AUTS2: variants seen among roughly 807,000 people sequenced by gnomAD.
AUTS2 encodes the protein activator of transcription and developmental regulator AUTS2.
Under a neutral mutation model 112.4 loss-of-function variants are expected in AUTS2, and 17 were observed. That is an observed-to-expected ratio of 0.15 (90% CI 0.10 to 0.23). The LOEUF (loss-of-function observed/expected upper bound fraction) is 0.23, where lower values mean the gene tolerates loss of function less well. Among genes scored for constraint, AUTS2 ranks in the 10% least tolerant of loss-of-function variants. The pLI is 1.00. For missense variants in AUTS2, 1,510 were observed against 1,701.6 expected (o/e 0.89, Z 1.98); for synonymous variants, 751 against 702.7 (o/e 1.07, Z -1.09).
chr7:70,086,401 G>T (rs1049843021), intron 2 of AUTS2, among the ~76,000 whole-genome samples: 7 of 152,098 alleles, frequency 4.6e-5, no homozygotes, highest in African/African-American at 1.7e-4. Flanking sequence ...TAGCACTTTG[G>T]GAGGCTGAGG....
At chr7:70,330,618 C>T (rs894235858) in intron 4 of AUTS2, among the ~76,000 whole-genome samples, 2 of 152,120 alleles carry the variant, frequency 1.3e-5, no homozygotes, top group Non-Finnish European at 2.9e-5. Flanking sequence ...GGGTCCATTG[C>T]AATTCCATAC....
At chr7:70,235,240 CCTT>C (rs1266564967) in intron 4 of AUTS2, among the ~76,000 whole-genome samples, 1 of 151,940 alleles carries the variant, frequency 6.6e-6, no homozygotes, top group Non-Finnish European at 1.5e-5. Flanking sequence ...CTCAAGTGGT[CCTT>C]CTGCTTCAGC....
intron 4 of AUTS2, among the ~76,000 whole-genome samples, chr7:70,408,549 A>G (rs189760000): frequency 9.8e-4 from 150 of 152,332 alleles, no homozygotes; most frequent in Non-Finnish European, 1.7e-3. Flanking sequence ...GTTGTCACCC[A>G]TCTAGTGCTT....
intron 4 of AUTS2, among the ~76,000 whole-genome samples, chr7:70,242,278 A>C (rs953249518): frequency 1.3e-5 from 2 of 152,192 alleles, no homozygotes; most frequent in African/African-American, 4.8e-5. Flanking sequence ...CCCCCAAAAC[A>C]GGATTCGGAT....
chr7:70,132,203 G>A (rs1167743700), intron 3 of AUTS2, among the ~76,000 whole-genome samples: 9 of 150,206 alleles, frequency 6.0e-5, no homozygotes, highest in Admixed American at 6.0e-4. Context: ...ACAGTAGGTT[G>A]GCACATGTGA....
intron 4 of AUTS2, among the ~76,000 whole-genome samples, chr7:70,184,327 T>C (rs1481416791): frequency 6.6e-6 from 1 of 152,188 alleles, no homozygotes; most frequent in Non-Finnish European, 1.5e-5. Flanking sequence ...GCAGAGCCTA[T>C]GCTGGGTAAA....
chr7:70,540,143 GC>G (rs2129504596), intron 5 of AUTS2, among the ~76,000 whole-genome samples: 1 of 152,256 alleles, frequency 6.6e-6, no homozygotes, highest in Admixed American at 6.5e-5. Flanking sequence ...CAGCAGCCCA[GC>G]AAAATGGAAA....
intron 4 of AUTS2, among the ~76,000 whole-genome samples, chr7:70,135,240 A>G (rs1460068089): frequency 6.6e-6 from 1 of 152,158 alleles, no homozygotes; most frequent in Non-Finnish European, 1.5e-5. Context: ...TCACTTCATT[A>G]TATTTATTTA....
intron 4 of AUTS2, among the ~76,000 whole-genome samples, chr7:70,180,472 C>T (rs1298394411): frequency 1.3e-5 from 2 of 152,136 alleles, no homozygotes; most frequent in African/African-American, 2.4e-5. Context: ...GATGTCTTCT[C>T]GGTATTCTTT....
At chr7:70,720,428 C>T (rs566062434) in intron 6 of AUTS2, among the ~76,000 whole-genome samples, 1 of 152,262 alleles carries the variant, frequency 6.6e-6, no homozygotes, top group East Asian at 1.9e-4. Context: ...GTGGCTATTA[C>T]CCAGAAGAGA....
chr7:70,672,431 AG>A (rs1454689108), intron 5 of AUTS2, among the ~76,000 whole-genome samples: 1 of 152,198 alleles, frequency 6.6e-6, no homozygotes, highest in Non-Finnish European at 1.5e-5. Flanking sequence ...TTCTGCAGAA[AG>A]AGACAGAAAG....
intron 4 of AUTS2, among the ~76,000 whole-genome samples, chr7:70,430,975 A>G (rs1386398999): frequency 6.6e-6 from 1 of 151,688 alleles, no homozygotes; most frequent in Non-Finnish European, 1.5e-5. Context: ...AGCTGGGACT[A>G]CAGGCGCCCG....
intron 4 of AUTS2, among the ~76,000 whole-genome samples, chr7:70,235,558 CG>C (rs1247244673): frequency 6.6e-6 from 1 of 152,110 alleles, no homozygotes; most frequent in African/African-American, 2.4e-5. Flanking sequence ...AACTAAAATA[CG>C]TACTATCTGT....
intron 1 of AUTS2, among the ~76,000 whole-genome samples, chr7:69,790,712 A>G (rs1253505005): frequency 6.6e-6 from 1 of 152,270 alleles, no homozygotes; most frequent in Non-Finnish European, 1.5e-5. Flanking sequence ...ATCAGAGCAT[A>G]GTCTCAACTT....
intron 1 of AUTS2, among the ~76,000 whole-genome samples, chr7:69,894,882 C>G (rs1218465046): frequency 6.6e-6 from 1 of 152,164 alleles, no homozygotes; most frequent in African/African-American, 2.4e-5. Context: ...AAAAATTCTT[C>G]AGGTAATTCT....
At chr7:70,122,639 GA>G (rs1805742682) in intron 3 of AUTS2, among the ~76,000 whole-genome samples, 1 of 151,854 alleles carries the variant, frequency 6.6e-6, no homozygotes, top group Non-Finnish European at 1.5e-5. Context: ...TTAAAATTAT[GA>G]AAAAAATTTG....
chr7:69,684,723 GA>G (rs1796984118), intron 1 of AUTS2, among the ~76,000 whole-genome samples: 1 of 152,188 alleles, frequency 6.6e-6, no homozygotes, highest in Non-Finnish European at 1.5e-5. Context: ...GCTTACTGTG[GA>G]ATATGTATTT....
In AUTS2 at chr7:70,180,247, T is replaced by C. The variant is rs535487053; in HGVS notation, c.660+45676T>C. Among the ~76,000 whole-genome samples, 23 of 152,330 alleles carry C rather than the reference T, an allele frequency of 1.5e-4. No homozygotes were observed. In the South Asian group the frequency reaches 4.8e-3, roughly 32 times the overall value. On this transcript the variant is annotated intron_variant, in intron 4 of 18. Transcript: ENST00000342771. ...AGGTTGATGTGTGTTTTTATTCCACTTTGATTTACTTCCCAAGCTGTCCTG... is the reference window on the plus strand; with the variant it reads ...AGGTTGATGTGTGTTTTTATTCCACCTTGATTTACTTCCCAAGCTGTCCTG...
chr7:70,730,872 G>A (rs1272610924), intron 6 of AUTS2, among the ~76,000 whole-genome samples: 2 of 152,192 alleles, frequency 1.3e-5, no homozygotes, highest in Non-Finnish European at 2.9e-5. Flanking sequence ...CCCACCAACA[G>A]TGTATGAGGG....
Sources: allele counts gnomAD v4.1 joint callset (sites outside exome capture counted in the v4.1 genomes callset), GRCh38; gene constraint gnomAD v4.1.1; transcripts MANE v1.5; gene names NCBI Gene and HGNC (gene_info 2026-07-23, HGNC 2026-07-21).